The following CDH13 variants were observed in gnomAD, a reference collection of about 807,000 sequenced individuals.
The protein encoded by CDH13 is cadherin 13.
In CDH13, 24 loss-of-function variants were observed where a neutral mutation model predicts 63.8. The ratio of observed to expected loss-of-function variants is 0.38; its 90% CI spans 0.27 to 0.53. The LOEUF (loss-of-function observed/expected upper bound fraction) is 0.53. CDH13 is among the 20% of genes least tolerant of loss of function. CDH13 has a pLI of 0.85. For missense variants in CDH13, 1,049 were observed against 903.1 expected (o/e 1.16, Z -2.07); for synonymous variants, 503 against 355.3 (o/e 1.42, Z -4.67).
rs1457904488 is a variant in CDH13, at chr16:83,798,532, G to C, written c.*3502G>C. 3 of 152,190 alleles carry C rather than the reference G, an allele frequency of 2.0e-5. No individual in the cohort carries two copies. The highest frequency in any genetic ancestry group is 7.2e-5 in the African/African-American group (3 of 41,444). The allele number at this position is 152,190 out of a possible 1,614,324, so 9.4% of individuals were successfully genotyped here. On this transcript the variant is annotated 3_prime_UTR_variant, in exon 14 of 14. Transcript: ENST00000567109. Reference sequence around the variant, plus strand: ...TCTTCTCCAACTCACAGATAAAGAAGGCTGAGGCTCAGAAAAATTGAATGG... The same window carrying C: ...TCTTCTCCAACTCACAGATAAAGAACGCTGAGGCTCAGAAAAATTGAATGG...
chr16:82,992,526 C>G (rs538168291), intron 2 of CDH13, among the ~76,000 whole-genome samples: 1 of 152,218 alleles, frequency 6.6e-6, no homozygotes, highest in East Asian at 1.9e-4. Flanking sequence ...TAGAGATAAT[C>G]TAACATTCTC....
intron 1 of CDH13, among the ~76,000 whole-genome samples, chr16:82,739,008 G>T (rs1487896532): frequency 6.6e-6 from 1 of 152,220 alleles, no homozygotes; most frequent in African/African-American, 2.4e-5. Context: ...CAAAGAAGCA[G>T]TGAGCAAGAT....
At chr16:82,714,549 A>G (rs1052606442) in intron 1 of CDH13, among the ~76,000 whole-genome samples, 1 of 151,656 alleles carries the variant, frequency 6.6e-6, no homozygotes, top group African/African-American at 2.4e-5. Context: ...CCCTGTCTCT[A>G]CTAAAAATAT....
intron 2 of CDH13, among the ~76,000 whole-genome samples, chr16:82,992,717 A>G (rs1352517381): frequency 6.6e-6 from 1 of 152,328 alleles, no homozygotes. Flanking sequence ...AAAAGTTACT[A>G]TGTGGTTCTT....
intron 10 of CDH13, among the ~76,000 whole-genome samples, chr16:83,700,037 C>T (rs1219514951): frequency 1.3e-5 from 2 of 152,204 alleles, no homozygotes; most frequent in Non-Finnish European, 2.9e-5. Context: ...TGTCTAGCAT[C>T]CTCAGAAACG....
chr16:83,669,364 G>A (rs561737773), intron 8 of CDH13, among the ~76,000 whole-genome samples: 1 of 152,316 alleles, frequency 6.6e-6, no homozygotes, highest in South Asian at 2.1e-4. Flanking sequence ...TGCAGACAGG[G>A]CTGAGAACCG....
intron 6 of CDH13, among the ~76,000 whole-genome samples, chr16:83,437,880 C>T (rs139200681): frequency 1.3e-5 from 2 of 152,160 alleles, no homozygotes; most frequent in East Asian, 1.9e-4. Context: ...TTATTTGTTC[C>T]ATGTCACTCC....
intron 3 of CDH13, among the ~76,000 whole-genome samples, chr16:83,033,026 T>C (rs576501642): frequency 6.6e-6 from 1 of 152,338 alleles, no homozygotes; most frequent in South Asian, 2.1e-4. Context: ...TATATGGTGC[T>C]GTATGTGTAT....
At chr16:83,463,099 C>G (rs2073221608) in intron 6 of CDH13, among the ~76,000 whole-genome samples, 1 of 152,000 alleles carries the variant, frequency 6.6e-6, no homozygotes, top group South Asian at 2.1e-4. Context: ...AGTGTTGGGG[C>G]AGACTTTCTA....
At chr16:83,213,964 T>C (rs1049691045) in intron 4 of CDH13, among the ~76,000 whole-genome samples, 2 of 152,070 alleles carry the variant, frequency 1.3e-5, no homozygotes, top group African/African-American at 4.8e-5. Flanking sequence ...GTTTGTAAAA[T>C]GGACCAATCA....
At position 82,728,493 on chromosome 16, in the gene CDH13, C is replaced by G. The variant is rs8053962; in HGVS notation, c.45+101356C>G. On this transcript the variant is annotated intron_variant, in intron 1 of 13. Transcript: ENST00000567109. The stretch of plus-strand genomic sequence containing the variant: ...ATATAAATAATAAACTACAGTTACG[C>G]TGTAGTCTATTAAGTTTGAAATAGT... 3.1e-3 allele frequency among the ~76,000 whole-genome samples: 478 copies of G among 152,168 alleles called. 2 individuals are homozygous for G. Among genetic ancestry groups the G allele is most frequent in the African/African-American group, 0.011 (462 of 41,536 alleles).
intron 10 of CDH13, among the ~76,000 whole-genome samples, chr16:83,682,101 AT>A (rs1340379395): frequency 1.3e-5 from 2 of 152,220 alleles, no homozygotes; most frequent in Non-Finnish European, 2.9e-5. Context: ...GTTTAAAAGA[AT>A]TTAAACAAGA....
chr16:82,991,918 AC>A, intron 2 of CDH13, among the ~76,000 whole-genome samples: 1 of 152,260 alleles, frequency 6.6e-6, no homozygotes, highest in South Asian at 2.1e-4. Flanking sequence ...ATTTACCAGA[AC>A]TTTTTCCATT....
intron 2 of CDH13, among the ~76,000 whole-genome samples, chr16:82,915,117 C>A (rs1198194173): frequency 2.6e-5 from 4 of 152,230 alleles, no homozygotes; most frequent in Admixed American, 1.3e-4. Flanking sequence ...TTAAACAGAA[C>A]TCAAGCCTGG....
chr16:83,097,659 GT>G (rs1301944430), intron 3 of CDH13, among the ~76,000 whole-genome samples: 1 of 152,176 alleles, frequency 6.6e-6, no homozygotes, highest in Non-Finnish European at 1.5e-5. Context: ...CATCTTTAGA[GT>G]TTATGTGGGA....
At chr16:82,754,763 A>C (rs1482035929) in intron 1 of CDH13, among the ~76,000 whole-genome samples, 1 of 152,218 alleles carries the variant, frequency 6.6e-6, no homozygotes, top group African/African-American at 2.4e-5. Context: ...ACTTTTGATA[A>C]TGATCTCTAA....
At chr16:83,309,729 A>C (rs2089959644) in intron 5 of CDH13, among the ~76,000 whole-genome samples, 1 of 152,144 alleles carries the variant, frequency 6.6e-6, no homozygotes, top group African/African-American at 2.4e-5. Context: ...ACCTGTACTC[A>C]GGGTATGGAA....
intron 2 of CDH13, among the ~76,000 whole-genome samples, chr16:82,991,028 T>C (rs562178378): frequency 2.6e-5 from 4 of 152,280 alleles, no homozygotes; most frequent in Non-Finnish European, 2.9e-5. Context: ...CTACCAGAGA[T>C]AGGGCATGAG....
chr16:83,682,794 G>A (rs922093789), intron 10 of CDH13, among the ~76,000 whole-genome samples: 1 of 152,012 alleles, frequency 6.6e-6, no homozygotes, highest in Non-Finnish European at 1.5e-5. Context: ...TTAGTCACCA[G>A]GCCCTCGAAA....
Sources: allele counts gnomAD v4.1 joint callset (sites outside exome capture counted in the v4.1 genomes callset), GRCh38; gene constraint gnomAD v4.1.1; transcripts MANE v1.5; gene names NCBI Gene and HGNC (gene_info 2026-07-23, HGNC 2026-07-21).